The following CYB5R3 variants were observed in gnomAD, a reference collection of about 807,000 sequenced individuals.
The protein encoded by CYB5R3 is NADH-cytochrome b5 reductase 3.
CYB5R3 carries 28 observed loss-of-function variants against 36.5 expected under a neutral mutation model. The ratio of observed to expected loss-of-function variants is 0.77; its 90% CI spans 0.57 to 1.05. The LOEUF (loss-of-function observed/expected upper bound fraction) is 1.05. Ranked by LOEUF, CYB5R3 falls within the 50% of genes least tolerant of loss-of-function variation. The probability of loss-of-function intolerance (pLI) is 0.00; values close to 1 mark genes in which losing one functional copy is unlikely to be tolerated. For missense variants in CYB5R3, 474 were observed against 408.9 expected, an observed-to-expected ratio of 1.16 and a Z score of -1.37; for synonymous variants, 181 against 159.8, an observed-to-expected ratio of 1.13 and a Z score of -1.00.
In CYB5R3 at chr22:42,623,796, G is replaced by A. The variant is rs1222693225; in HGVS notation, c.726C>T (p.Ala242=). 1 of 1,613,910 alleles carries A rather than the reference G, an allele frequency of 6.2e-7. No homozygotes were observed. Among genetic ancestry groups the A allele is most frequent in the Admixed American group, 1.7e-5 (1 of 60,018 alleles). ...GGGGCCTCCCTCACTCACCTTCAGGGGCTCTGTCCAGCGTGTACCAGAGCT... is the reference window on the plus strand; with the variant it reads ...GGGGCCTCCCTCACTCACCTTCAGGAGCTCTGTCCAGCGTGTACCAGAGCT... The part of the protein sequence containing the change: ...RFKLWYTLDR[A]PEAWDYGQGF... The change falls in exon 8 of 9, where the codon GCC becomes GCT. Residue 242 remains alanine, a synonymous_variant. Coordinates refer to ENST00000352397, the MANE Select transcript of CYB5R3 (RefSeq NM_000398.7).
chr22:42,642,270 C>T (rs1161959948), intron 1 of CYB5R3, among the ~76,000 whole-genome samples: 1 of 151,956 alleles, frequency 6.6e-6, no homozygotes, highest in Non-Finnish European at 1.5e-5. Context: ...TACCACCAGG[C>T]CTTGGTAATT....
chr22:42,621,150 A>T (rs969543525), intron 8 of CYB5R3, among the ~76,000 whole-genome samples: 1 of 151,938 alleles, frequency 6.6e-6, no homozygotes, highest in Non-Finnish European at 1.5e-5. Flanking sequence ...CAGGTATGTA[A>T]GACACCTTTC....
At chr22:42,626,516 G>C (rs558345267) in intron 7 of CYB5R3, among the ~76,000 whole-genome samples, 18 of 152,200 alleles carry the variant, frequency 1.2e-4, no homozygotes, top group African/African-American at 4.3e-4. Context: ...GCACCACCAA[G>C]TCTCACTGCT....
At chr22:42,627,787 G>C in intron 5 of CYB5R3, 99 bp from the exon 6 acceptor site, 2 of 910,700 alleles carry the variant, frequency 2.2e-6, no homozygotes, top group South Asian at 2.6e-5. Context: ...CCCACTGTGA[G>C]GTCCGAGGTA....
At chr22:42,648,999 C>T (rs1022617337) in intron 1 of CYB5R3, among the ~76,000 whole-genome samples, 1 of 152,200 alleles carries the variant, frequency 6.6e-6, no homozygotes, top group Non-Finnish European at 1.5e-5. Context: ...GCAGCCAAGG[C>T]CCCACGGCGG....
At chr22:42,634,325 C>T (rs1285276637) in intron 2 of CYB5R3, among the ~76,000 whole-genome samples, 4 of 151,652 alleles carry the variant, frequency 2.6e-5, no homozygotes, top group Non-Finnish European at 2.9e-5. Context: ...CACACCATTG[C>T]ACTATAGCCT....
intron 1 of CYB5R3, among the ~76,000 whole-genome samples, chr22:42,639,349 C>A (rs1474402604): frequency 6.8e-6 from 1 of 146,424 alleles, no homozygotes; most frequent in African/African-American, 2.6e-5. Flanking sequence ...GGGGGGGGAC[C>A]GGGCACGGTG....
At position 42,628,255 on chromosome 22, in the gene CYB5R3, C is replaced by G. The variant is rs746159717; in HGVS notation, c.360G>C (p.Lys120Asn). 3.7e-6 allele frequency: 6 copies of G among 1,614,118 alleles called. No homozygotes were observed. The highest frequency in any genetic ancestry group is 2.5e-6 in the Non-Finnish European group (3 of 1,179,966). The change falls in exon 5 of 9, where the codon AAG becomes AAC. Residue 120 changes from lysine (K) to asparagine (N), a missense_variant. Coordinates refer to ENST00000352397, the MANE Select transcript of CYB5R3 (RefSeq NM_000398.7). ...IKVYFKDTHPKFPAGGKMSQY... is the reference protein window; with the variant it reads ...IKVYFKDTHPNFPAGGKMSQY... ...GAGACATCTTCCCTCCAGCGGGAAACTTGGGATGGGTGTCCTTGAAGTAAA... is the reference window on the plus strand; with the variant it reads ...GAGACATCTTCCCTCCAGCGGGAAAGTTGGGATGGGTGTCCTTGAAGTAAA...
At chr22:42,637,037 A>G in intron 1 of CYB5R3, 191 bp from the exon 2 acceptor site, 1 of 702,948 alleles carries the variant, frequency 1.4e-6, no homozygotes, top group South Asian at 1.6e-5. Context: ...GACCAGCCTC[A>G]TGACACCTGT....
rs1354900234 is a variant in CYB5R3, at chr22:42,619,449, G to A, written c.*324C>T. 1.8e-5 allele frequency: 6 copies of A among 332,518 alleles called. No homozygotes were observed. The highest frequency in any genetic ancestry group is 1.7e-4 in the Admixed American group (4 of 23,242). 20.6% of individuals were successfully genotyped at this position (332,518 alleles called of 1,614,324 possible). On this transcript the variant is annotated 3_prime_UTR_variant, in exon 9 of 9. Coordinates refer to ENST00000352397, the MANE Select transcript of CYB5R3 (RefSeq NM_000398.7). ...CCACGGCCGGGAATGGTGGGCAGACGGGGCTGCTGGCAGCCCTCAGCCTTA... is the reference window on the plus strand; with the variant it reads ...CCACGGCCGGGAATGGTGGGCAGACAGGGCTGCTGGCAGCCCTCAGCCTTA...
intron 8 of CYB5R3, among the ~76,000 whole-genome samples, chr22:42,620,688 C>T (rs1417382711): frequency 3.3e-5 from 5 of 152,180 alleles, no homozygotes; most frequent in African/African-American, 9.7e-5. Context: ...ATACACTCCA[C>T]GCTGTGAAGG....
At chr22:42,647,090 G>T (rs944163392) in intron 1 of CYB5R3, 2 of 536,772 alleles carry the variant, frequency 3.7e-6, no homozygotes, top group Non-Finnish European at 4.8e-6. Context: ...AGAGCACCAG[G>T]CCCCCAGCCA....
intron 1 of CYB5R3, chr22:42,639,180 A>G (rs1929088138): frequency 6.3e-6 from 2 of 315,934 alleles, no homozygotes; most frequent in Non-Finnish European, 6.2e-6. Context: ...AAATACAAAA[A>G]TTAGCTGGGT....
chr22:42,644,564 A>C (rs1929448593), intron 1 of CYB5R3: 1 of 1,526,116 alleles, frequency 6.6e-7, no homozygotes, highest in Non-Finnish European at 8.8e-7. Context: ...TTCCCTAGCT[A>C]ACCAGGCCCT....
At chr22:42,640,237 G>A (rs1403901349) in intron 1 of CYB5R3, 3 of 1,586,698 alleles carry the variant, frequency 1.9e-6, no homozygotes, top group Admixed American at 1.8e-5. Context: ...CACCAGTGCT[G>A]GGGTCTTCTC....
chr22:42,636,799 GA>G lies in CYB5R3; in HGVS notation c.68del (p.Leu23ProfsTer2), dbSNP rs1205780785. 6.2e-7 allele frequency: 1 copy of G among 1,613,996 alleles called. No individual in the cohort carries two copies. The highest frequency in any genetic ancestry group is 2.2e-5 in the East Asian group (1 of 44,884). On this transcript the variant is annotated frameshift_variant, in exon 2 of 9. Coordinates refer to ENST00000352397, the MANE Select transcript of CYB5R3 (RefSeq NM_000398.7). LOFTEE classifies it high-confidence loss of function. ...GCGTGGAGCGCTGGAACAGCTTCATGAGCAGACTGTACAGGAACCAGACTGG... is the reference window on the plus strand; with the variant it reads ...GCGTGGAGCGCTGGAACAGCTTCATGGCAGACTGTACAGGAACCAGACTGG... ...LFPVWFLYSL[L>X]MKLFQRSTPA...
chr22:42,634,715 T>C (rs1928796511), intron 2 of CYB5R3, among the ~76,000 whole-genome samples: 1 of 138,100 alleles, frequency 7.2e-6, no homozygotes. Context: ...AAGCTCCACC[T>C]CCCAGGTTCA....
At position 42,617,925 on chromosome 22, in the gene CYB5R3, C is replaced by T. The variant is rs138598491; in HGVS notation, c.*1848G>A. On this transcript the variant is annotated 3_prime_UTR_variant, in exon 9 of 9. Transcript: ENST00000352397. ...TTTCCACCATTTGAACACCCACCCA[C>T]CCCAGCATGGCCAGCTCTCTCTTCC... 0.011 allele frequency: 1,690 copies of T among 152,534 alleles called. 11 individuals carry two copies. Among genetic ancestry groups the T allele is most frequent in the Middle Eastern group, 0.027 (8 of 294 alleles). 9.4% of individuals were successfully genotyped at this position (152,534 alleles called of 1,614,324 possible).
intron 4 of CYB5R3, among the ~76,000 whole-genome samples, chr22:42,628,635 G>A (rs772894723): frequency 1.3e-5 from 2 of 152,266 alleles, no homozygotes; most frequent in East Asian, 1.9e-4. Context: ...AAGGCTCTGG[G>A]AGGCCCACTA....
Sources: gnomAD v4.1 joint callset for allele counts (sites outside exome capture counted in the v4.1 genomes callset) on GRCh38, gnomAD v4.1.1 for gene constraint, MANE v1.5 for transcripts, NCBI Gene and HGNC (gene_info 2026-07-23, HGNC 2026-07-21) for gene names.